SENP7: variants seen among roughly 807,000 people sequenced by gnomAD.
SENP7 encodes the protein SUMO specific peptidase 7, also known as sentrin-specific protease 7.
Under a neutral mutation model 141.2 loss-of-function variants are expected in SENP7, and 64 were observed. The ratio of observed to expected loss-of-function variants is 0.45; its 90% confidence interval spans 0.37 to 0.56. SENP7 has a LOEUF of 0.56. SENP7 is among the 20% of genes least tolerant of loss of function. The pLI, the probability that SENP7 is intolerant of heterozygous loss-of-function variation, is 0.00. For synonymous variants in SENP7, 382 were observed against 426.4 expected (o/e 0.90, Z 1.28); for missense variants, 1,025 against 1,212.2 (o/e 0.85, Z 2.29).
At chr3:101,414,746 A>G in intron 5 of SENP7, 1 of 650,548 alleles carries the variant, frequency 1.5e-6, no homozygotes, top group East Asian at 2.7e-5. Context: ...AAGGATGGCC[A>G]CAAGTGTAAT....
At chr3:101,499,857 C>A (rs1344998281) in intron 2 of SENP7, among the ~76,000 whole-genome samples, 1 of 152,022 alleles carries the variant, frequency 6.6e-6, no homozygotes, top group African/African-American at 2.4e-5. Context: ...TTTGTAGAGA[C>A]GGGGTTTCAC....
intron 1 of SENP7, among the ~76,000 whole-genome samples, chr3:101,508,412 T>G (rs1280334881): frequency 6.6e-6 from 1 of 151,982 alleles, no homozygotes; most frequent in African/African-American, 2.4e-5. Flanking sequence ...CTGGCTAACA[T>G]GGTGAAACCC....
At chr3:101,449,313 G>T (rs547439740) in intron 4 of SENP7, among the ~76,000 whole-genome samples, 1 of 152,132 alleles carries the variant, frequency 6.6e-6, no homozygotes, top group Non-Finnish European at 1.5e-5. Context: ...TATTATCCAG[G>T]AGAACTTCCC....
chr3:101,339,649 C>T (rs1223074581), intron 16 of SENP7, among the ~76,000 whole-genome samples: 3 of 151,708 alleles, frequency 2.0e-5, no homozygotes, highest in Admixed American at 6.6e-5. Context: ...ACCCAGGAGG[C>T]AGAGGTTGCA....
At chr3:101,447,636 T>C (rs566957767) in intron 4 of SENP7, among the ~76,000 whole-genome samples, 1 of 152,276 alleles carries the variant, frequency 6.6e-6, no homozygotes, top group South Asian at 2.1e-4. Flanking sequence ...CTGAACACAG[T>C]ATTGTTAAAA....
chr3:101,351,536 A>G, intron 12 of SENP7, 82 bp downstream of exon 12: 1 of 1,082,334 alleles, frequency 9.2e-7, no homozygotes, highest in South Asian at 2.2e-5. Context: ...ATTAAGGTGA[A>G]ACATTATTAA....
intron 3 of SENP7, among the ~76,000 whole-genome samples, chr3:101,491,685 T>C (rs1298711796): frequency 6.6e-6 from 1 of 152,238 alleles, no homozygotes; most frequent in African/African-American, 2.4e-5. Flanking sequence ...TTGTATCCAA[T>C]ACAAACCAAC....
intron 3 of SENP7, among the ~76,000 whole-genome samples, chr3:101,481,690 G>C (rs180714919): frequency 3.9e-5 from 6 of 152,190 alleles, no homozygotes; most frequent in African/African-American, 1.4e-4. Context: ...TGTGATGATG[G>C]ATATCCTCAA....
chr3:101,437,535 A>C (rs1177876000), intron 4 of SENP7, among the ~76,000 whole-genome samples: 1 of 152,148 alleles, frequency 6.6e-6, no homozygotes. Flanking sequence ...AAATGATTTT[A>C]AATTTCTAAA....
At chr3:101,467,052 G>A (rs1345214654) in intron 3 of SENP7, among the ~76,000 whole-genome samples, 1 of 152,224 alleles carries the variant, frequency 6.6e-6, no homozygotes, top group Admixed American at 6.5e-5. Context: ...GGCTCGGCAG[G>A]TCCCACGCCC....
At chr3:101,370,993 C>T (rs564126317) in intron 7 of SENP7, among the ~76,000 whole-genome samples, 41 of 152,166 alleles carry the variant, frequency 2.7e-4, no homozygotes, top group Non-Finnish European at 4.3e-4. Flanking sequence ...TGAAATCACT[C>T]AAAAATAAAA....
intron 5 of SENP7, among the ~76,000 whole-genome samples, chr3:101,410,130 T>C (rs1356549124): frequency 1.3e-5 from 2 of 152,134 alleles, no homozygotes; most frequent in African/African-American, 4.8e-5. Flanking sequence ...GGTAAGGATA[T>C]GAATAGACAA....
intron 5 of SENP7, among the ~76,000 whole-genome samples, chr3:101,402,138 T>C (rs545755408): frequency 6.6e-6 from 1 of 152,238 alleles, no homozygotes; most frequent in South Asian, 2.1e-4. Flanking sequence ...AAACAACAGA[T>C]TTTCAATGTA....
intron 23 of SENP7, among the ~76,000 whole-genome samples, chr3:101,327,465 T>C (rs531322260): frequency 1.5e-3 from 230 of 152,112 alleles, no homozygotes; most frequent in Non-Finnish European, 2.4e-3. Context: ...TATGTTTGCT[T>C]CCCCTTCCAC....
At chr3:101,383,369 A>C (rs1265978322) in intron 6 of SENP7, among the ~76,000 whole-genome samples, 2 of 152,206 alleles carry the variant, frequency 1.3e-5, no homozygotes, top group Non-Finnish European at 2.9e-5. Context: ...CCGGGACTGC[A>C]AATTCCACAG....
intron 7 of SENP7, among the ~76,000 whole-genome samples, chr3:101,368,844 A>T (rs564683366): frequency 3.9e-5 from 6 of 152,310 alleles, no homozygotes; most frequent in African/African-American, 1.4e-4. Context: ...ATTTACATAA[A>T]TACATATTTT....
chr3:101,427,344 C>T (rs979556009), intron 4 of SENP7, among the ~76,000 whole-genome samples: 3 of 151,874 alleles, frequency 2.0e-5, no homozygotes, highest in Non-Finnish European at 4.4e-5. Context: ...CAAAAAACTA[C>T]CCGGGAGTGG....
intron 3 of SENP7, among the ~76,000 whole-genome samples, chr3:101,467,267 A>C (rs2063793738): frequency 6.6e-6 from 1 of 152,258 alleles, no homozygotes; most frequent in African/African-American, 2.4e-5. Context: ...TGGCTGAACA[A>C]AAGGCAGCAG....
intron 6 of SENP7, among the ~76,000 whole-genome samples, chr3:101,398,216 T>C (rs751857417): frequency 1.3e-5 from 2 of 152,174 alleles, no homozygotes; most frequent in Non-Finnish European, 2.9e-5. Flanking sequence ...TGCCAGCCCT[T>C]TGGGAGGCTG....
Sources: allele counts gnomAD v4.1 joint callset (sites outside exome capture counted in the v4.1 genomes callset), GRCh38; gene constraint gnomAD v4.1.1; transcripts MANE v1.5; gene names NCBI Gene and HGNC (gene_info 2026-07-23, HGNC 2026-07-21).